Variants in GLRA3 observed in about 807,000 individuals in gnomAD.
GLRA3 encodes the protein glycine receptor subunit alpha-3.
In GLRA3, 44 loss-of-function variants were observed where a neutral mutation model predicts 60.4. That is an observed-to-expected ratio of 0.73 (90% CI 0.57 to 0.94). The LOEUF is 0.94. Ranked by LOEUF, GLRA3 falls within the 40% of genes least tolerant of loss-of-function variation. The pLI is 0.00. For synonymous variants in GLRA3, 223 were observed against 192.9 expected (o/e 1.16, Z -1.29); for missense variants, 508 against 564.6 (o/e 0.90, Z 1.02).
chr4:174,752,003 G>T (rs916202107), intron 3 of GLRA3, among the ~76,000 whole-genome samples: 5 of 151,906 alleles, frequency 3.3e-5, no homozygotes, highest in African/African-American at 1.2e-4. Context: ...ACAGAAAAGG[G>T]ATGCAAAGCA....
At chr4:174,820,061 A>G (rs762253897) in intron 1 of GLRA3, among the ~76,000 whole-genome samples, 15 of 152,246 alleles carry the variant, frequency 9.9e-5, no homozygotes, top group Non-Finnish European at 5.9e-5. Context: ...ACCATCACAC[A>G]TGAAAGCTGA....
At chr4:174,694,311 A>T (rs997939575) in intron 5 of GLRA3, among the ~76,000 whole-genome samples, 1 of 152,172 alleles carries the variant, frequency 6.6e-6, no homozygotes, top group Admixed American at 6.5e-5. Context: ...CAAGGCACAT[A>T]CCCTAAAATT....
At chr4:174,688,279 C>T (rs1734625540) in intron 5 of GLRA3, among the ~76,000 whole-genome samples, 1 of 131,910 alleles carries the variant, frequency 7.6e-6, no homozygotes, top group Non-Finnish European at 1.6e-5. Flanking sequence ...TACCTATTTT[C>T]TGTTTATTTT....
chr4:174,781,200 G>A (rs1253484198), intron 2 of GLRA3, among the ~76,000 whole-genome samples: 1 of 151,930 alleles, frequency 6.6e-6, no homozygotes. Flanking sequence ...TGAACAACCT[G>A]CTCCTGAATG....
intron 2 of GLRA3, among the ~76,000 whole-genome samples, chr4:174,781,479 G>A (rs1282434458): frequency 5.1e-5 from 7 of 138,036 alleles, no homozygotes; most frequent in African/African-American, 1.9e-4. Flanking sequence ...CAGAACTGAA[G>A]GAAATAGAGA....
intron 2 of GLRA3, among the ~76,000 whole-genome samples, chr4:174,779,657 A>T (rs1579594038): frequency 6.6e-6 from 1 of 152,178 alleles, no homozygotes; most frequent in South Asian, 2.1e-4. Flanking sequence ...CGAGAACTAC[A>T]TGAAGAATGC....
chr4:174,681,870 C>G (rs1192439246), intron 6 of GLRA3, among the ~76,000 whole-genome samples: 1 of 152,142 alleles, frequency 6.6e-6, no homozygotes, highest in Non-Finnish European at 1.5e-5. Context: ...AGATGTTAAA[C>G]TTGAACTCCC....
At chr4:174,707,434 G>A (rs1005438232) in intron 5 of GLRA3, among the ~76,000 whole-genome samples, 4 of 152,174 alleles carry the variant, frequency 2.6e-5, no homozygotes, top group African/African-American at 9.7e-5. Flanking sequence ...GACTGTAGAT[G>A]TGTTCTGAGT....
intron 4 of GLRA3, among the ~76,000 whole-genome samples, chr4:174,718,745 T>C (rs1249460659): frequency 2.6e-5 from 4 of 152,154 alleles, no homozygotes; most frequent in Non-Finnish European, 5.9e-5. Flanking sequence ...ACACATCTAT[T>C]AGACAATGTT....
At chr4:174,695,347 A>G (rs1735009153) in intron 5 of GLRA3, among the ~76,000 whole-genome samples, 2 of 152,088 alleles carry the variant, frequency 1.3e-5, no homozygotes, top group Admixed American at 1.3e-4. Context: ...TCTACAAAAT[A>G]ATTTCAAACT....
At chr4:174,649,346 A>C (rs1732948830) in intron 9 of GLRA3, among the ~76,000 whole-genome samples, 1 of 152,180 alleles carries the variant, frequency 6.6e-6, no homozygotes, top group Non-Finnish European at 1.5e-5. Context: ...AGGTAGGAAA[A>C]AAGAGAGTAA....
At chr4:174,767,926 G>T (rs1340122938) in intron 2 of GLRA3, among the ~76,000 whole-genome samples, 1 of 148,906 alleles carries the variant, frequency 6.7e-6, no homozygotes, top group Non-Finnish European at 1.5e-5. Context: ...TATAATTTTT[G>T]TTCAGGCTCT....
intron 5 of GLRA3, among the ~76,000 whole-genome samples, chr4:174,701,269 T>C (rs570204197): frequency 6.6e-6 from 1 of 152,318 alleles, no homozygotes; most frequent in African/African-American, 2.4e-5. Context: ...CTAAATCTAC[T>C]CTGCCTGTTG....
intron 2 of GLRA3, among the ~76,000 whole-genome samples, chr4:174,778,989 T>C (rs1216643211): frequency 6.6e-6 from 1 of 152,222 alleles, no homozygotes; most frequent in Non-Finnish European, 1.5e-5. Flanking sequence ...GAGGCCTGCC[T>C]GCCTCTGTAG....
intron 7 of GLRA3, among the ~76,000 whole-genome samples, chr4:174,660,690 G>T (rs75374340): frequency 6.6e-6 from 1 of 152,094 alleles, no homozygotes; most frequent in Non-Finnish European, 1.5e-5. Context: ...TTACAATGAT[G>T]GTTACTCAGT....
chr4:174,820,602 G>C (rs984886447), intron 1 of GLRA3, among the ~76,000 whole-genome samples: 2 of 152,156 alleles, frequency 1.3e-5, no homozygotes, highest in African/African-American at 4.8e-5. Context: ...AGGCTTCTTA[G>C]AGAATGTGAA....
intron 1 of GLRA3, among the ~76,000 whole-genome samples, chr4:174,818,292 A>G (rs1740590152): frequency 6.6e-6 from 1 of 152,166 alleles, no homozygotes; most frequent in South Asian, 2.1e-4. Flanking sequence ...TGTTTTTGAA[A>G]TTTAATTCTG....
intron 5 of GLRA3, among the ~76,000 whole-genome samples, chr4:174,699,249 G>C (rs139791611): frequency 6.6e-6 from 1 of 152,066 alleles, no homozygotes; most frequent in Non-Finnish European, 1.5e-5. Flanking sequence ...TCATCAACCC[G>C]TCTCAGCCTC....
chr4:174,676,940 T>G, intron 7 of GLRA3, 138 bp downstream of exon 7: 1 of 583,498 alleles, frequency 1.7e-6, no homozygotes, highest in Middle Eastern at 3.5e-4. Flanking sequence ...GTTTTCTGCT[T>G]TGGTTATATA....
Sources: allele counts gnomAD v4.1 joint callset (sites outside exome capture counted in the v4.1 genomes callset), GRCh38; gene constraint gnomAD v4.1.1; transcripts MANE v1.5; gene names NCBI Gene and HGNC (gene_info 2026-07-23, HGNC 2026-07-21).